KCNK5: variants seen among roughly 807,000 people sequenced by gnomAD.
The protein encoded by KCNK5 is potassium channel subfamily K member 5.
KCNK5 carries 18 observed loss-of-function variants against 32.9 expected under a neutral mutation model. The observed-to-expected ratio is 0.55, with a 90% CI of 0.38 to 0.81. The LOEUF is 0.81. Among genes scored for constraint, KCNK5 ranks in the 30% least tolerant of loss-of-function variants. KCNK5 has a pLI of 0.00. For synonymous variants in KCNK5, 276 were observed against 275.3 expected, an observed-to-expected ratio of 1.00 and a Z score of -0.03; for missense variants, 507 against 651.0, an observed-to-expected ratio of 0.78 and a Z score of 2.41.
chr6:39,218,853 G>T (rs1771489709), intron 1 of KCNK5, among the ~76,000 whole-genome samples: 1 of 152,218 alleles, frequency 6.6e-6, no homozygotes, highest in Non-Finnish European at 1.5e-5. Flanking sequence ...CTTCTCAGAA[G>T]CCTCTGAAAA....
intron 1 of KCNK5, 49 bp downstream of exon 1, chr6:39,228,877 A>G (rs1771717594): frequency 6.3e-7 from 1 of 1,591,880 alleles, no homozygotes; most frequent in Non-Finnish European, 8.6e-7. Flanking sequence ...GCGCCCCCTA[A>G]AGCTCAAGCC....
chr6:39,196,609 A>C (rs1562051285), intron 1 of KCNK5, among the ~76,000 whole-genome samples: 1 of 152,156 alleles, frequency 6.6e-6, no homozygotes, highest in African/African-American at 2.4e-5. Flanking sequence ...TTGTCCTCGG[A>C]GGGCATGCAA....
At chr6:39,226,308 G>A (rs1179402441) in intron 1 of KCNK5, among the ~76,000 whole-genome samples, 2 of 152,190 alleles carry the variant, frequency 1.3e-5, no homozygotes, top group East Asian at 1.9e-4. Flanking sequence ...GGACGATCAC[G>A]TGGTCCCAGG....
intron 1 of KCNK5, among the ~76,000 whole-genome samples, chr6:39,207,520 G>C (rs906847825): frequency 6.6e-6 from 1 of 152,112 alleles, no homozygotes; most frequent in African/African-American, 2.4e-5. Flanking sequence ...TCCAGGCCCC[G>C]GGGTCTCCTC....
chr6:39,200,657 C>T (rs188429951), intron 1 of KCNK5, among the ~76,000 whole-genome samples: 62 of 152,282 alleles, frequency 4.1e-4, no homozygotes, highest in African/African-American at 1.4e-3. Flanking sequence ...AAAACAGTGC[C>T]CTAAAACCAG....
Position 39,191,900 on chromosome 6 carries a change from C to T in KCNK5, c.635-145G>A. 1.3e-6 allele frequency: 1 copy of T among 791,184 alleles called. No homozygotes were observed. Among genetic ancestry groups the T allele is most frequent in the Non-Finnish European group, 2.0e-6 (1 of 504,358 alleles). The allele number at this position is 791,184 out of a possible 1,614,324, so 49.0% of individuals were successfully genotyped here. A position where few individuals can be genotyped will look rare whatever the true frequency, so the allele number is the denominator to read the frequency against. ...GGATAGAAAGGGGCCTGTTCTAGAC[C>T]CTGGACTATCCCATCTTCCTCAAGG... On this transcript the variant is annotated intron_variant, in intron 4 of 4. Transcript: ENST00000359534. This position sits in a 1 kb window ranked among gnomAD's most constrained non-coding sequence, Gnocchi z 5.8.
At chr6:39,214,943 C>T (rs1269379251) in intron 1 of KCNK5, among the ~76,000 whole-genome samples, 3 of 152,212 alleles carry the variant, frequency 2.0e-5, no homozygotes, top group African/African-American at 7.2e-5. Context: ...TTCATTCCCA[C>T]AACCCTTAAT....
intron 1 of KCNK5, among the ~76,000 whole-genome samples, chr6:39,210,605 G>A (rs887781350): frequency 2.0e-5 from 3 of 152,186 alleles, no homozygotes; most frequent in African/African-American, 4.8e-5. Context: ...AACCAGGGTC[G>A]ACTGATTCAT....
chr6:39,224,296 T>C (rs1479009547), intron 1 of KCNK5, among the ~76,000 whole-genome samples: 1 of 152,220 alleles, frequency 6.6e-6, no homozygotes, highest in Non-Finnish European at 1.5e-5. Flanking sequence ...GTGTTCCTTT[T>C]ACTTACAAAG....
At chr6:39,193,083 T>C (rs1366462325) in intron 4 of KCNK5, among the ~76,000 whole-genome samples, 1 of 152,232 alleles carries the variant, frequency 6.6e-6, no homozygotes, top group Non-Finnish European at 1.5e-5. Flanking sequence ...CACTCATGAA[T>C]AGTAATTATT....
intron 1 of KCNK5, among the ~76,000 whole-genome samples, chr6:39,218,984 C>A (rs1353397561): frequency 6.6e-6 from 1 of 152,150 alleles, no homozygotes; most frequent in East Asian, 1.9e-4. Context: ...TTGCAGCAGT[C>A]CTTGAACAGG....
chr6:39,191,263 GCCT>G lies in KCNK5; in HGVS notation c.1124_1126del (p.Glu375del), dbSNP rs749603133. 1.5e-5 allele frequency: 25 copies of G among 1,614,104 alleles called. No individual in the cohort carries two copies. Among genetic ancestry groups the G allele is most frequent in the African/African-American group, 9.3e-5 (7 of 75,064 alleles). The stretch of plus-strand genomic sequence containing the variant: ...GCTGTCTTCAGGGGCCCGTGCCACA[GCCT>G]CCTCATCTGGGGACCTTGATACGTG... On this transcript the variant is annotated inframe_deletion, in exon 5 of 5. Transcript: ENST00000359534. The surrounding 1 kb of genome is among the most constrained non-coding windows in gnomAD (Gnocchi z 5.8).
chr6:39,201,681 A>G (rs1771135779), intron 1 of KCNK5, among the ~76,000 whole-genome samples: 1 of 152,134 alleles, frequency 6.6e-6, no homozygotes, highest in Non-Finnish European at 1.5e-5. Flanking sequence ...GAAACTTATC[A>G]TTCCTCTCAC....
chr6:39,219,669 G>T (rs1272566015), intron 1 of KCNK5, among the ~76,000 whole-genome samples: 1 of 152,196 alleles, frequency 6.6e-6, no homozygotes, highest in East Asian at 1.9e-4. Flanking sequence ...CCTTGCAAGA[G>T]GCTTGGCTGC....
rs576916250 is a variant in KCNK5, at chr6:39,205,686, G to A, written c.187-9699C>T. Among the ~76,000 whole-genome samples the A allele has an allele frequency of 2.3e-4, 35 of 152,304 alleles. No individual in the cohort carries two copies. The South Asian group carries it at 7.3e-3, about 32-fold the overall frequency. On this transcript the variant is annotated intron_variant, in intron 1 of 4. Transcript: ENST00000359534. Reference sequence around the variant, plus strand: ...GTCTCCCAATTAGTGGGACAACAGTGTCAGTAGGGACAGGAAACAGTTTTA... The same window carrying A: ...GTCTCCCAATTAGTGGGACAACAGTATCAGTAGGGACAGGAAACAGTTTTA...
chr6:39,194,743 G>C lies in KCNK5; in HGVS notation c.316C>G (p.Pro106Ala). ...ITTIGYGNVA[P>A]KTPAGRLFCV... is the part of the protein sequence containing the mutation. The stretch of plus-strand genomic sequence containing the variant: ...AAGAGGCGACCGGCGGGGGTCTTGG[G>C]AGCCACATTGCCATATCCTGAGGAA... The change falls in exon 3 of 5, where the codon CCC (proline) becomes GCC (alanine). Residue 106 changes from proline (P) to alanine (A), a missense_variant. Pro to Ala is a conservative substitution (Grantham distance 27). Coordinates refer to ENST00000359534, the MANE Select transcript of KCNK5 (RefSeq NM_003740.4). The surrounding 1 kb of genome is among the most constrained non-coding windows in gnomAD (Gnocchi z 4.7). 6.2e-7 allele frequency: 1 copy of C among 1,613,998 alleles called. No homozygotes were observed. Among genetic ancestry groups the C allele is most frequent in the Non-Finnish European group, 8.5e-7 (1 of 1,179,996 alleles).
rs753767656 is a variant in KCNK5 at position 39,190,935 on chromosome 6, C to T, written c.1455G>A (p.Gln485=). The change falls in exon 5 of 5, where the codon CAG becomes CAA. Residue 485 remains glutamine, a synonymous_variant. Coordinates refer to ENST00000359534, the MANE Select transcript of KCNK5 (RefSeq NM_003740.4). ...TAGCCTTGTTGTACTCATTCATCAGCTGTTCGTAAGGCACAGAGAGCTCAG... is the reference window on the plus strand; with the variant it reads ...TAGCCTTGTTGTACTCATTCATCAGTTGTTCGTAAGGCACAGAGAGCTCAG... ...TESELSVPYE[Q]LMNEYNKANS... 2 of 1,492,326 alleles carry T rather than the reference C, an allele frequency of 1.3e-6. No homozygotes were observed. The highest frequency in any genetic ancestry group is 2.5e-5 in the Admixed American group (1 of 40,666). 92.4% of individuals were successfully genotyped at this position (1,492,326 alleles called of 1,614,324 possible).
chr6:39,194,262 C>T lies in KCNK5; in HGVS notation c.541G>A (p.Val181Ile), dbSNP rs781700853. 5.5e-5 allele frequency: 89 copies of T among 1,613,862 alleles called. 1 individual carries two copies. In the South Asian group the frequency reaches 7.7e-4, roughly 14 times the overall value. The change falls in exon 4 of 5, where the codon GTA becomes ATA. Residue 181 changes from valine (V) to isoleucine (I), a missense_variant. Val to Ile is a conservative substitution (Grantham distance 29). Transcript: ENST00000359534. The surrounding 1 kb of genome is among the most constrained non-coding windows in gnomAD (Gnocchi z 4.7). ...TTCCACCCCTCAGTCACCATGAATA[C>T]GAAGGGTGGGATCACCAGGTGGACT... ...VLVHLVIPPFVFMVTEGWNYI... is the reference protein window; with the variant it reads ...VLVHLVIPPFIFMVTEGWNYI...
rs1458816621 is a variant in KCNK5, at chr6:39,194,179, G to A, written c.624C>T (p.Asp208=). The A allele has an allele frequency of 1.9e-6, 3 of 1,614,140 alleles. No homozygotes were observed. Residue 208 remains aspartate, a synonymous_variant, in exon 4 of 5, where the codon GAC becomes GAT. Coordinates refer to ENST00000359534, the MANE Select transcript of KCNK5 (RefSeq NM_003740.4). This position sits in a 1 kb window ranked among gnomAD's most constrained non-coding sequence, Gnocchi z 4.7. ...GAGGCAGGGACTCACCGGCCACAAA[G>A]TCACCGAAGCCGATGGTGGAGATGG... The part of the protein sequence containing the change: ...FITISTIGFG[D]FVAGVNPSAN...
Sources: allele counts gnomAD v4.1 joint callset (sites outside exome capture counted in the v4.1 genomes callset), GRCh38; gene constraint gnomAD v4.1.1; non-coding constraint Gnocchi (gnomAD v3.1); transcripts MANE v1.5; gene names NCBI Gene and HGNC (gene_info 2026-07-23, HGNC 2026-07-21).